IKBKB: variants seen among roughly 807,000 people sequenced by gnomAD.
IKBKB encodes the protein inhibitor of nuclear factor kappa-B kinase subunit beta.
A neutral mutation model predicts 113.6 loss-of-function variants in IKBKB; 42 were observed. The ratio of observed to expected loss-of-function variants is 0.37; its 90% confidence interval spans 0.29 to 0.48. The LOEUF is 0.48. Ranked by LOEUF, IKBKB falls within the 20% of genes least tolerant of loss-of-function variation. The pLI, the probability that IKBKB is intolerant of heterozygous loss-of-function variation, is 0.99. For synonymous variants in IKBKB, 296 were observed against 361.3 expected (o/e 0.82, Z 2.05); for missense variants, 673 against 939.7 (o/e 0.72, Z 3.71).
intron 1 of IKBKB, 108 bp downstream of exon 1, chr8:42,271,577 C>G (rs1807733912): frequency 1.4e-5 from 8 of 556,390 alleles, no homozygotes; most frequent in Non-Finnish European, 2.5e-5. Flanking sequence ...TCGCAGCTTG[C>G]GGACTGGGGA....
chr8:42,289,029 T>C (rs1226170837), intron 3 of IKBKB, among the ~76,000 whole-genome samples: 1 of 150,776 alleles, frequency 6.6e-6, no homozygotes, highest in Non-Finnish European at 1.5e-5. Context: ...ATTACTCCAA[T>C]GACAAGGAAA....
At chr8:42,299,181 C>G (rs984128506) in intron 5 of IKBKB, among the ~76,000 whole-genome samples, 1 of 152,154 alleles carries the variant, frequency 6.6e-6, no homozygotes, top group African/African-American at 2.4e-5. Flanking sequence ...ACTTTCTGCC[C>G]GCTGCCCAGG....
chr8:42,303,342 A>T (rs749259545), intron 5 of IKBKB, among the ~76,000 whole-genome samples: 5 of 152,164 alleles, frequency 3.3e-5, no homozygotes, highest in Non-Finnish European at 7.3e-5. Context: ...CTAATGTGGC[A>T]CTACCATAAT....
At chr8:42,287,143 G>GCT (rs1811577549) in intron 2 of IKBKB, among the ~76,000 whole-genome samples, 1 of 152,186 alleles carries the variant, frequency 6.6e-6, no homozygotes, top group Non-Finnish European at 1.5e-5. Flanking sequence ...GGCCAGAGCC[G>GCT]CTTTCCCTGC....
chr8:42,290,736 T>C (rs1008520863), intron 4 of IKBKB, among the ~76,000 whole-genome samples: 2 of 152,136 alleles, frequency 1.3e-5, no homozygotes, highest in African/African-American at 4.8e-5. Flanking sequence ...GCAGGATTCA[T>C]GATCAGAGAG....
At chr8:42,312,934 G>A (rs1241879084) in intron 8 of IKBKB, among the ~76,000 whole-genome samples, 2 of 152,166 alleles carry the variant, frequency 1.3e-5, no homozygotes, top group African/African-American at 4.8e-5. Flanking sequence ...CCAGACATTG[G>A]GTTTGAGCCC....
chr8:42,330,493 G>A (rs1180927525), intron 21 of IKBKB: 1 of 173,424 alleles, frequency 5.8e-6, no homozygotes, highest in African/African-American at 2.4e-5. Flanking sequence ...GCCAATAAAG[G>A]GGTTTCAATA....
Position 42,293,952 on chromosome 8 carries a change from T to G in IKBKB, c.388+440T>G, listed in dbSNP as rs190059040. 2.0e-3 allele frequency among the ~76,000 whole-genome samples: 297 copies of G among 152,306 alleles called. 3 individuals carry two copies. In the Middle Eastern group the frequency reaches 0.024, roughly 12 times the overall value. ...TTTTAATCCCTTGGGTACTGTTGGC[T>G]TCCCCAAATGAGGGCATCTGCGGCA... On this transcript the variant is annotated intron_variant, in intron 5 of 21. Coordinates refer to ENST00000520810, the MANE Select transcript of IKBKB (RefSeq NM_001556.3).
At chr8:42,282,896 G>A (rs1323606672) in intron 2 of IKBKB, among the ~76,000 whole-genome samples, 1 of 152,116 alleles carries the variant, frequency 6.6e-6, no homozygotes, top group Non-Finnish European at 1.5e-5. Context: ...AAAAGTTTAA[G>A]TATGTCTGTA....
chr8:42,316,093 C>T lies in IKBKB; in HGVS notation c.801-117C>T, dbSNP rs1423105613. The T allele has an allele frequency of 1.9e-5, 21 of 1,079,434 alleles. No homozygotes were observed. The highest frequency in any genetic ancestry group is 2.8e-5 in the Non-Finnish European group (21 of 752,072). 66.9% of individuals were successfully genotyped at this position (1,079,434 alleles called of 1,614,324 possible). A position where few individuals can be genotyped will look rare whatever the true frequency, so the allele number is the denominator to read the frequency against. ...ATGTTTATACTGTTTCTGATAAACC[C>T]ATTTTCATTTTCAATCACCGTCTAC... On this transcript the variant is annotated intron_variant, in intron 9 of 21. Transcript: ENST00000520810. The surrounding 1 kb of genome is among the most constrained non-coding windows in gnomAD (Gnocchi z 4.5).
intron 9 of IKBKB, 55 bp downstream of exon 9, chr8:42,314,484 A>G: frequency 8.1e-7 from 1 of 1,241,498 alleles, no homozygotes. Flanking sequence ...TTTTAGAAAT[A>G]CAAGTCTTGG....
intron 2 of IKBKB, among the ~76,000 whole-genome samples, chr8:42,287,359 A>G (rs909298971): frequency 6.6e-6 from 1 of 152,248 alleles, no homozygotes; most frequent in African/African-American, 2.4e-5. Flanking sequence ...GAGAAGAGAA[A>G]ACAGCCTGTT....
chr8:42,314,414 C>A lies in IKBKB; in HGVS notation c.785C>A (p.Pro262His), dbSNP rs755044020. Residue 262 changes from proline to histidine, a missense_variant, in exon 9 of 22, where the codon CCC becomes CAC. Pro to His is a moderately conservative substitution (Grantham distance 77, BLOSUM62 -2). Coordinates refer to ENST00000520810, the MANE Select transcript of IKBKB (RefSeq NM_001556.3). ...AAGTTTTCAAGCTCTTTACCCTACC[C>A]CAATAATCTTAACAGGTAAGGCACA... Reference protein sequence around the residue: ...TVKFSSSLPYPNNLNSVLAER... With the variant: ...TVKFSSSLPYHNNLNSVLAER... 1.9e-6 allele frequency: 3 copies of A among 1,603,446 alleles called. No individual in the cohort carries two copies. Among genetic ancestry groups the A allele is most frequent in the Non-Finnish European group, 2.6e-6 (3 of 1,170,310 alleles).
intron 7 of IKBKB, 59 bp downstream of exon 7, chr8:42,306,491 G>A: frequency 8.6e-7 from 1 of 1,157,520 alleles, no homozygotes; most frequent in Non-Finnish European, 1.3e-6. Context: ...GCATTTGTGG[G>A]GCTCCTGTCC....
At chr8:42,325,080 G>A in intron 19 of IKBKB, 1 of 219,178 alleles carries the variant, frequency 4.6e-6, no homozygotes, top group Non-Finnish European at 7.8e-6. Flanking sequence ...AGTGTCAGGT[G>A]TGGGGCCTGG....
At chr8:42,300,564 G>C (rs182227323) in intron 5 of IKBKB, among the ~76,000 whole-genome samples, 1 of 152,196 alleles carries the variant, frequency 6.6e-6, no homozygotes, top group East Asian at 1.9e-4. Context: ...TTTGTGGTTT[G>C]TCATCTGAAA....
chr8:42,312,130 C>T (rs189080199), intron 8 of IKBKB, among the ~76,000 whole-genome samples: 25 of 152,354 alleles, frequency 1.6e-4, no homozygotes, highest in African/African-American at 5.3e-4. Context: ...TCGTGAACTG[C>T]CCGCCTCGGC....
rs1283787871 is a variant in IKBKB, at chr8:42,316,584, C to CTCAAGCTA, written c.931-125_931-118dup. 3.0e-6 allele frequency: 3 copies of CTCAAGCTA among 996,520 alleles called. No individual in the cohort carries two copies. Among genetic ancestry groups the CTCAAGCTA allele is most frequent in the Non-Finnish European group, 4.4e-6 (3 of 684,888 alleles). The allele number at this position is 996,520 out of a possible 1,614,324, so 61.7% of individuals were successfully genotyped here. ...GAAACATGGCACATGACCTCCCTCC[C>CTCAAGCTA]TCAAGCTAGGCCCTTGCTTTGTGTG... is the stretch of plus-strand genomic sequence containing the variant. On this transcript the variant is annotated intron_variant, in intron 10 of 21. Coordinates refer to ENST00000520810, the MANE Select transcript of IKBKB (RefSeq NM_001556.3). This position sits in a 1 kb window ranked among gnomAD's most constrained non-coding sequence, Gnocchi z 4.5.
At chr8:42,274,472 C>A (rs1443493584) in intron 2 of IKBKB, among the ~76,000 whole-genome samples, 3 of 151,698 alleles carry the variant, frequency 2.0e-5, no homozygotes, top group Non-Finnish European at 4.4e-5. Context: ...CCCCCACCAC[C>A]CTTTCCTGCC....
Sources: allele counts gnomAD v4.1 joint callset (sites outside exome capture counted in the v4.1 genomes callset), GRCh38; gene constraint gnomAD v4.1.1; non-coding constraint Gnocchi (gnomAD v3.1); transcripts MANE v1.5; gene names NCBI Gene and HGNC (gene_info 2026-07-23, HGNC 2026-07-21).